Variants in GALNTL6 observed in about 807,000 individuals in gnomAD.
GALNTL6 encodes polypeptide N-acetylgalactosaminyltransferase-like 6.
GALNTL6 carries 46 observed loss-of-function variants against 73.7 expected under a neutral mutation model. The ratio of observed to expected loss-of-function variants is 0.62; its 90% CI spans 0.49 to 0.80. The LOEUF (loss-of-function observed/expected upper bound fraction) is 0.80, where lower values mean the gene tolerates loss of function less well. Among genes scored for constraint, GALNTL6 ranks in the 30% least tolerant of loss-of-function variants. The pLI is 0.00. For missense variants in GALNTL6, 604 were observed against 755.0 expected, an observed-to-expected ratio of 0.80 and a Z score of 2.34; for synonymous variants, 259 against 263.7, an observed-to-expected ratio of 0.98 and a Z score of 0.17.
chr4:172,217,339 G>A (rs756592217), intron 2 of GALNTL6, among the ~76,000 whole-genome samples: 1 of 152,086 alleles, frequency 6.6e-6, no homozygotes, highest in Non-Finnish European at 1.5e-5. Context: ...AAAGTAAGTC[G>A]CAATATATAG....
At chr4:172,015,333 A>C (rs13116950) in intron 2 of GALNTL6, among the ~76,000 whole-genome samples, 5,423 of 152,024 alleles carry the variant, frequency 0.036, 334 homozygotes, top group African/African-American at 0.12. Flanking sequence ...TGTTGCTTTA[A>C]GGTATCTTTC....
intron 3 of GALNTL6, among the ~76,000 whole-genome samples, chr4:172,248,592 G>A (rs1737740657): frequency 6.6e-6 from 1 of 152,142 alleles, no homozygotes; most frequent in Admixed American, 6.6e-5. Context: ...CTAATAGTAA[G>A]CCACTGATAT....
intron 5 of GALNTL6, among the ~76,000 whole-genome samples, chr4:172,797,509 T>C (rs1740345406): frequency 6.6e-6 from 1 of 152,118 alleles, no homozygotes; most frequent in Non-Finnish European, 1.5e-5. Context: ...CCTCCCAAAG[T>C]GCTAGGGTTA....
At chr4:172,108,865 T>C (rs1259367507) in intron 2 of GALNTL6, among the ~76,000 whole-genome samples, 1 of 151,700 alleles carries the variant, frequency 6.6e-6, no homozygotes, top group Non-Finnish European at 1.5e-5. Flanking sequence ...TACAAAAAAT[T>C]AGCCGGGCAT....
At chr4:171,984,993 A>T (rs332985) in intron 2 of GALNTL6, among the ~76,000 whole-genome samples, 145,734 of 149,220 alleles carry the variant, frequency 0.98, 71,245 homozygotes, top group Middle Eastern at 1. Flanking sequence ...AATCAGCAAA[A>T]ACAAAAAAAA....
chr4:172,612,391 T>C lies in GALNTL6; in HGVS notation c.554-196970T>C, dbSNP rs146650845. On this transcript the variant is annotated intron_variant, in intron 5 of 12. Coordinates refer to ENST00000506823, the MANE Select transcript of GALNTL6 (RefSeq NM_001034845.3). ...ACAAAGAATAGAAGAAATACAGGTA[T>C]AGTCTTGGAGCACATTAAAGCCAGG... Among the ~76,000 whole-genome samples the C allele has an allele frequency of 6.1e-3, 931 of 152,196 alleles. 9 individuals carry two copies. The highest frequency in any genetic ancestry group is 0.021 in the African/African-American group (877 of 41,538).
At chr4:172,531,259 C>T (rs1735159777) in intron 5 of GALNTL6, among the ~76,000 whole-genome samples, 1 of 152,020 alleles carries the variant, frequency 6.6e-6, no homozygotes, top group Non-Finnish European at 1.5e-5. Context: ...GTGGCTCATG[C>T]AAGAGTAAAT....
intron 2 of GALNTL6, among the ~76,000 whole-genome samples, chr4:172,187,016 G>A (rs1735434946): frequency 6.6e-6 from 1 of 151,912 alleles, no homozygotes; most frequent in African/African-American, 2.4e-5. Flanking sequence ...ACTAGAATAT[G>A]CATGTAACTT....
At chr4:172,177,770 T>TACAC (rs1735061764) in intron 2 of GALNTL6, among the ~76,000 whole-genome samples, 2 of 131,388 alleles carry the variant, frequency 1.5e-5, no homozygotes, top group South Asian at 2.2e-4. Flanking sequence ...TATATATATG[T>TACAC]ACACATATAT....
Position 172,931,286 on chromosome 4 carries a change from A to C in GALNTL6, c.1149+18A>C. 7.2e-7 allele frequency: 1 copy of C among 1,395,400 alleles called. No individual in the cohort carries two copies. The highest frequency in any genetic ancestry group is 1.0e-6 in the Non-Finnish European group (1 of 980,350). 86.4% of individuals were successfully genotyped at this position (1,395,400 alleles called of 1,614,324 possible). A position where few individuals can be genotyped will look rare whatever the true frequency, so the allele number is the denominator to read the frequency against. On this transcript the variant is annotated intron_variant, in intron 9 of 12. Transcript: ENST00000506823. ...TGGCAAGAGTGAGTAACTCAGCATC[A>C]GAACAGACTGGGGTTGATATGGCTT...
At chr4:172,525,360 A>G (rs1734915828) in intron 5 of GALNTL6, among the ~76,000 whole-genome samples, 1 of 152,186 alleles carries the variant, frequency 6.6e-6, no homozygotes, top group Non-Finnish European at 1.5e-5. Flanking sequence ...GTATTCCTCT[A>G]TGCTTATATC....
intron 2 of GALNTL6, among the ~76,000 whole-genome samples, chr4:172,100,512 A>T (rs1019320672): frequency 1.3e-5 from 2 of 152,202 alleles, no homozygotes; most frequent in African/African-American, 4.8e-5. Flanking sequence ...ATAATTTTAA[A>T]ATTAAAAATA....
chr4:171,951,184 A>G (rs1246572771), intron 2 of GALNTL6, among the ~76,000 whole-genome samples: 2 of 152,068 alleles, frequency 1.3e-5, no homozygotes, highest in East Asian at 1.9e-4. Context: ...AAAGGAAGAA[A>G]AGAAGTTGCT....
intron 5 of GALNTL6, among the ~76,000 whole-genome samples, chr4:172,686,664 G>A (rs1267056225): frequency 6.6e-6 from 1 of 152,158 alleles, no homozygotes; most frequent in Non-Finnish European, 1.5e-5. Flanking sequence ...AGCATTGAGT[G>A]AATGAATTAT....
chr4:172,731,639 T>C (rs1042913507), intron 5 of GALNTL6, among the ~76,000 whole-genome samples: 3 of 152,152 alleles, frequency 2.0e-5, no homozygotes, highest in Non-Finnish European at 2.9e-5. Flanking sequence ...CCTTGTTAGG[T>C]TGTTAATTTG....
At chr4:171,907,684 C>T (rs1043438846) in intron 2 of GALNTL6, among the ~76,000 whole-genome samples, 1 of 151,352 alleles carries the variant, frequency 6.6e-6, no homozygotes, top group African/African-American at 2.5e-5. Flanking sequence ...CCCACATCGC[C>T]AAGTCAATCC....
intron 2 of GALNTL6, among the ~76,000 whole-genome samples, chr4:171,960,070 C>G (rs149650228): frequency 6.6e-6 from 1 of 152,286 alleles, no homozygotes; most frequent in African/African-American, 2.4e-5. Context: ...CAGATTATCA[C>G]TGTGTATGCA....
intron 5 of GALNTL6, among the ~76,000 whole-genome samples, chr4:172,629,263 T>A (rs1255116291): frequency 6.6e-6 from 1 of 152,190 alleles, no homozygotes; most frequent in Non-Finnish European, 1.5e-5. Flanking sequence ...TTTACTTTTT[T>A]CCAAGAGTCA....
At chr4:171,838,747 A>G (rs1208616416) in intron 2 of GALNTL6, among the ~76,000 whole-genome samples, 3 of 152,178 alleles carry the variant, frequency 2.0e-5, no homozygotes, top group Admixed American at 1.3e-4. Flanking sequence ...AATATAAAAG[A>G]CAAACATAAA....
Sources: allele counts gnomAD v4.1 joint callset (sites outside exome capture counted in the v4.1 genomes callset), GRCh38; gene constraint gnomAD v4.1.1; transcripts MANE v1.5; gene names NCBI Gene and HGNC (gene_info 2026-07-23, HGNC 2026-07-21).